Variants in TASP1 observed in about 807,000 individuals in gnomAD.
TASP1 encodes threonine aspartase 1.
TASP1 carries 16 observed loss-of-function variants against 56.6 expected under a neutral mutation model. That is an observed-to-expected ratio of 0.28 (90% CI 0.19 to 0.43). TASP1 has a LOEUF of 0.43. TASP1 is among the 20% of genes least tolerant of loss of function. The pLI, the probability that TASP1 is intolerant of heterozygous loss-of-function variation, is 1.00. For synonymous variants in TASP1, 179 were observed against 184.2 expected, an observed-to-expected ratio of 0.97 and a Z score of 0.23; for missense variants, 393 against 511.6, an observed-to-expected ratio of 0.77 and a Z score of 2.24.
the TASP1 span, chr20:13,154,232 G>T: frequency 8.0e-6 from 12 of 1,492,900 alleles, no homozygotes; most frequent in South Asian, 2.5e-5. Flanking sequence ...ATCTGGAATG[G>T]GGTGAGTGAG....
chr20:13,521,522 T>A (rs994200595), intron 10 of TASP1, among the ~76,000 whole-genome samples: 3 of 151,236 alleles, frequency 2.0e-5, no homozygotes, highest in African/African-American at 7.3e-5. Context: ...CTCAGCAAAC[T>A]ATCGCAAGGA....
chr20:13,121,529 A>G, the TASP1 span, among the ~76,000 whole-genome samples: 2 of 152,166 alleles, frequency 1.3e-5, no homozygotes, highest in South Asian at 2.1e-4. Context: ...AGAGAAAACA[A>G]TCAGGGTTTT....
chr20:13,192,413 G>A, the TASP1 span, among the ~76,000 whole-genome samples: 3 of 152,092 alleles, frequency 2.0e-5, no homozygotes, highest in Non-Finnish European at 4.4e-5. Context: ...GGTGGCAGGT[G>A]CCTGTGGTCC....
At chr20:13,462,443 C>A (rs2044088911) in intron 11 of TASP1, among the ~76,000 whole-genome samples, 1 of 152,100 alleles carries the variant, frequency 6.6e-6, no homozygotes, top group Admixed American at 6.6e-5. Context: ...ATAAGGCATG[C>A]ACATTGATTT....
At chr20:13,519,644 GAC>G (rs2044664583) in intron 10 of TASP1, among the ~76,000 whole-genome samples, 2 of 152,134 alleles carry the variant, frequency 1.3e-5, no homozygotes, top group Non-Finnish European at 2.9e-5. Flanking sequence ...AGCTATCTAT[GAC>G]AAACCCACAG....
chr20:13,119,594 A>G, the TASP1 span, among the ~76,000 whole-genome samples: 1 of 152,204 alleles, frequency 6.6e-6, no homozygotes, highest in South Asian at 2.1e-4. Context: ...ATTTGGATAC[A>G]GAGGGTCGCA....
the TASP1 span, among the ~76,000 whole-genome samples, chr20:13,211,133 T>C: frequency 2.6e-5 from 4 of 152,308 alleles, no homozygotes; most frequent in South Asian, 8.3e-4. Flanking sequence ...ATTAGAGCCA[T>C]CACAAATGAG....
chr20:13,235,124 C>T, the TASP1 span, among the ~76,000 whole-genome samples: 14 of 152,330 alleles, frequency 9.2e-5, no homozygotes, highest in African/African-American at 3.4e-4. Flanking sequence ...TGTACTCTCA[C>T]ACTCATGGGT....
rs2146567992 is a variant in TASP1 at position 13,491,330 on chromosome 20, T to TC, written c.875-7994dup. Among the ~76,000 whole-genome samples the TC allele has an allele frequency of 1.3e-5, 2 of 152,286 alleles. 1 individual carries two copies. The highest frequency in any genetic ancestry group is 4.2e-4 in the South Asian group (2 of 4,818). On this transcript the variant is annotated intron_variant, in intron 10 of 13. Transcript: ENST00000337743. ...TCTAAAATAAAACCTATTTTTATTC[T>TC]CCAACAGGTTTATTGCCCGACTTAA... is the stretch of plus-strand genomic sequence containing the variant.
At chr20:13,168,075 C>T in the TASP1 span, 1 of 152,106 alleles carries the variant, frequency 6.6e-6, no homozygotes. Context: ...ATTGAAGAAC[C>T]ATCTGCGATT....
At chr20:13,507,293 G>A (rs2044167735) in intron 10 of TASP1, among the ~76,000 whole-genome samples, 1 of 152,192 alleles carries the variant, frequency 6.6e-6, no homozygotes, top group African/African-American at 2.4e-5. Flanking sequence ...AGCATTTTGG[G>A]AGGCCAAAGC....
the TASP1 span, among the ~76,000 whole-genome samples, chr20:13,272,824 A>G: frequency 3.6e-4 from 55 of 152,302 alleles, no homozygotes; most frequent in African/African-American, 1.3e-3. Context: ...GTTTCCTATC[A>G]TGGCTCATCC....
At chr20:13,260,723 C>T in the TASP1 span, among the ~76,000 whole-genome samples, 8 of 151,968 alleles carry the variant, frequency 5.3e-5, no homozygotes, top group African/African-American at 1.9e-4. Context: ...TCTCATTCTA[C>T]CTCACCATGG....
the TASP1 span, among the ~76,000 whole-genome samples, chr20:13,298,650 T>G: frequency 2.6e-5 from 4 of 152,292 alleles, no homozygotes; most frequent in East Asian, 5.8e-4. Flanking sequence ...ATTCTCTACT[T>G]TTCTGTGTGT....
chr20:13,522,958 G>A lies in TASP1; in HGVS notation c.874+5475C>T, dbSNP rs553396176. On this transcript the variant is annotated intron_variant, in intron 10 of 13. Transcript: ENST00000337743. ...TATTTACAGGAGGAGCAAGTTATTT[G>A]AGCAACCGTGTCAAATGTTGCTTAT... 1.7e-4 allele frequency among the ~76,000 whole-genome samples: 26 copies of A among 152,212 alleles called. 2 individuals carry two copies. The highest frequency in any genetic ancestry group is 4.6e-4 in the African/African-American group (19 of 41,546).
At chr20:13,407,466 C>T (rs966929237) in intron 13 of TASP1, among the ~76,000 whole-genome samples, 3 of 152,168 alleles carry the variant, frequency 2.0e-5, no homozygotes, top group Non-Finnish European at 2.9e-5. Flanking sequence ...TTTTGCTGAT[C>T]CATTCATCAG....
Position 13,483,268 on chromosome 20 carries a change from G to A in TASP1, c.944C>T (p.Ala315Val). The change falls in exon 11 of 14, where the codon GCT becomes GTT. Residue 315 changes from alanine (A) to valine (V), a missense_variant. By Grantham distance (64) the Ala-to-Val change is moderately conservative. This residue lies in a region of TASP1 where 293 missense variants were observed against 354.2 expected (regional missense o/e 0.83). Coordinates refer to ENST00000337743, the MANE Select transcript of TASP1 (RefSeq NM_017714.3). ...CATAGTCTCCAACAGGGCTTGGTGA[G>A]CATCCTCAGCTTGTAAAGCATGTGA... ...ECSHALQAED[A>V]HQALLETMQN... 2 of 1,600,134 alleles carry A rather than the reference G, an allele frequency of 1.2e-6. No individual in the cohort carries two copies. Among genetic ancestry groups the A allele is most frequent in the Non-Finnish European group, 1.7e-6 (2 of 1,172,772 alleles).
At chr20:13,392,431 A>G (rs2041324524) in intron 13 of TASP1, among the ~76,000 whole-genome samples, 1 of 152,132 alleles carries the variant, frequency 6.6e-6, no homozygotes. Context: ...TTGGTTTTGA[A>G]TCTTTAGGTT....
At chr20:13,417,544 TAGGCACATTCAG>T (rs748971924) in intron 12 of TASP1, 23 bp from the exon 13 acceptor site, 1 of 1,613,076 alleles carries the variant, frequency 6.2e-7, no homozygotes, top group Non-Finnish European at 8.5e-7. Flanking sequence ...AGAACACAAA[TAGGCACATTCAG>T]ATCACAGATG....
Sources: allele counts gnomAD v4.1 joint callset (sites outside exome capture counted in the v4.1 genomes callset), GRCh38; gene constraint gnomAD v4.1.1; regional missense constraint gnomAD v4.1.1; transcripts MANE v1.5; gene names NCBI Gene and HGNC (gene_info 2026-07-23, HGNC 2026-07-21).